Variants in HERC1 observed in about 807,000 individuals in gnomAD.
HERC1 encodes the protein probable E3 ubiquitin-protein ligase HERC1.
A neutral mutation model predicts 554.3 loss-of-function variants in HERC1; 160 were observed. The observed-to-expected ratio is 0.29, with a 90% CI of 0.25 to 0.33. HERC1 has a LOEUF of 0.33. Among genes scored for constraint, HERC1 ranks in the 10% least tolerant of loss-of-function variants. The probability of loss-of-function intolerance (pLI) is 1.00; values close to 1 mark genes in which losing one functional copy is unlikely to be tolerated. For synonymous variants in HERC1, 2,175 were observed against 2,131.7 expected, an observed-to-expected ratio of 1.02 and a Z score of -0.56; for missense variants, 4,919 against 5,918.5, an observed-to-expected ratio of 0.83 and a Z score of 5.54.
Position 63,640,042 on chromosome 15 carries a change from G to A in HERC1, c.11901+110C>T, listed in dbSNP as rs2068968070. 12 of 1,031,374 alleles carry A rather than the reference G, an allele frequency of 1.2e-5. 1 individual carries two copies. In the South Asian group the frequency reaches 1.7e-4, roughly 15 times the overall value. The allele number at this position is 1,031,374 out of a possible 1,614,324, so 63.9% of individuals were successfully genotyped here. A position where few individuals can be genotyped will look rare whatever the true frequency, so the allele number is the denominator to read the frequency against. On this transcript the variant is annotated intron_variant, in intron 61 of 77. Coordinates refer to ENST00000443617, the MANE Select transcript of HERC1 (RefSeq NM_003922.4). ...AAAATATTTTCCATTTCTCTTAAGG[G>A]TATCCTTCTAGCCATGCATACCAGC...
At chr15:63,716,185 A>C in intron 22 of HERC1, 117 bp downstream of exon 22, 1 of 867,652 alleles carries the variant, frequency 1.2e-6, no homozygotes, top group Non-Finnish European at 1.8e-6. Context: ...TCACCAGCAG[A>C]ATATAAAGTC....
chr15:63,659,557 C>T (rs971511342), intron 47 of HERC1, among the ~76,000 whole-genome samples, 179 bp downstream of exon 47: 1 of 152,154 alleles, frequency 6.6e-6, no homozygotes, highest in African/African-American at 2.4e-5. Flanking sequence ...CCAGCCAAAA[C>T]TTAATACCAC....
chr15:63,722,469 T>C (rs1005999822), intron 19 of HERC1, among the ~76,000 whole-genome samples: 2 of 152,236 alleles, frequency 1.3e-5, no homozygotes, highest in South Asian at 4.1e-4. Context: ...ATGATCTTGC[T>C]TTTCATGGTT....
intron 1 of HERC1, among the ~76,000 whole-genome samples, chr15:63,782,554 T>C (rs1054687498): frequency 1.3e-5 from 2 of 152,222 alleles, no homozygotes; most frequent in African/African-American, 2.4e-5. Flanking sequence ...ACTGGAGATG[T>C]ACAAGGAGAT....
chr15:63,752,141 T>C (rs75420351), intron 8 of HERC1, among the ~76,000 whole-genome samples: 59 of 152,346 alleles, frequency 3.9e-4, no homozygotes, highest in African/African-American at 1.4e-3. Flanking sequence ...TAATGATGAA[T>C]AGCTTGAAGA....
intron 19 of HERC1, among the ~76,000 whole-genome samples, chr15:63,719,606 T>C (rs79503123): frequency 0.035 from 5,350 of 152,316 alleles, 107 homozygotes; most frequent in Middle Eastern, 0.099. Flanking sequence ...GGGACAGCAA[T>C]AGCAGAAGTA....
intron 32 of HERC1, among the ~76,000 whole-genome samples, chr15:63,690,066 G>A (rs2153036356): frequency 6.6e-6 from 1 of 151,834 alleles, no homozygotes; most frequent in East Asian, 1.9e-4. Context: ...TGGAGGCTAA[G>A]GCAGGAGAAT....
At chr15:63,746,412 T>C (rs76836538) in intron 12 of HERC1, among the ~76,000 whole-genome samples, 20,266 of 152,212 alleles carry the variant, frequency 0.13, 1,818 homozygotes, top group Middle Eastern at 0.21. Context: ...AAATTTAACA[T>C]TGTATTATAA....
intron 32 of HERC1, among the ~76,000 whole-genome samples, chr15:63,690,118 G>C (rs1480000551): frequency 6.8e-6 from 1 of 147,874 alleles, no homozygotes; most frequent in South Asian, 2.1e-4. Context: ...AGCTGAGATC[G>C]CGCCACTGCA....
At chr15:63,642,899 G>T in intron 59 of HERC1, 58 bp downstream of exon 59, 1 of 1,040,168 alleles carries the variant, frequency 9.6e-7, no homozygotes, top group Non-Finnish European at 1.5e-6. Flanking sequence ...GTTAGACTAT[G>T]ATTTCTAAAG....
At chr15:63,827,399 G>A (rs959755554) in intron 1 of HERC1, among the ~76,000 whole-genome samples, 1 of 151,638 alleles carries the variant, frequency 6.6e-6, no homozygotes, top group Non-Finnish European at 1.5e-5. Context: ...ACTCCAGCCT[G>A]AGCAACAGAG....
intron 1 of HERC1, among the ~76,000 whole-genome samples, chr15:63,805,449 A>C (rs998376930): frequency 6.6e-6 from 1 of 152,196 alleles, no homozygotes; most frequent in Non-Finnish European, 1.5e-5. Context: ...CGGTGATAAA[A>C]AGCACATCAG....
intron 43 of HERC1, 113 bp downstream of exon 43, chr15:63,664,357 T>C: frequency 2.3e-6 from 2 of 851,696 alleles, no homozygotes; most frequent in Non-Finnish European, 3.6e-6. Context: ...GTTCTGTTAA[T>C]GTGGAGGGAC....
chr15:63,655,667 C>A (rs191420557), intron 50 of HERC1, 75 bp downstream of exon 50: 2 of 1,040,980 alleles, frequency 1.9e-6, no homozygotes, highest in South Asian at 1.6e-5. Flanking sequence ...TTATCATATA[C>A]TAACAATGTA....
intron 1 of HERC1, among the ~76,000 whole-genome samples, chr15:63,821,169 C>A (rs1335057439): frequency 6.6e-6 from 1 of 152,130 alleles, no homozygotes; most frequent in Non-Finnish European, 1.5e-5. Context: ...TGCCTATAAT[C>A]CCAGCACTTT....
intron 60 of HERC1, 68 bp from the exon 61 acceptor site, chr15:63,640,513 T>C: frequency 1.6e-6 from 2 of 1,263,228 alleles, no homozygotes; most frequent in South Asian, 2.8e-5. Flanking sequence ...TAACCTACCG[T>C]AGTCTGAAAG....
chr15:63,790,950 T>A (rs1360391954), intron 1 of HERC1, among the ~76,000 whole-genome samples: 2 of 152,172 alleles, frequency 1.3e-5, no homozygotes, highest in African/African-American at 4.8e-5. Context: ...CTGAAAGATA[T>A]CTTTATAGAA....
intron 43 of HERC1, 27 bp from the exon 44 acceptor site, chr15:63,663,231 T>C: frequency 1.3e-6 from 2 of 1,576,326 alleles, no homozygotes; most frequent in Non-Finnish European, 1.7e-6. Flanking sequence ...AAAGGCATTT[T>C]ATTTGCATGC....
intron 26 of HERC1, among the ~76,000 whole-genome samples, chr15:63,698,399 C>G (rs550216584): frequency 7.3e-6 from 1 of 136,082 alleles, no homozygotes. Flanking sequence ...GCCTGGGCAA[C>G]GAGAGCGAAA....
Sources: gnomAD v4.1 joint callset for allele counts (sites outside exome capture counted in the v4.1 genomes callset) on GRCh38, gnomAD v4.1.1 for gene constraint, MANE v1.5 for transcripts, NCBI Gene and HGNC (gene_info 2026-07-23, HGNC 2026-07-21) for gene names.